The following TRIM36 variants were observed in gnomAD, a reference collection of about 807,000 sequenced individuals.
TRIM36 encodes the protein E3 ubiquitin-protein ligase TRIM36.
TRIM36 carries 42 observed loss-of-function variants against 72.4 expected under a neutral mutation model. The ratio of observed to expected loss-of-function variants is 0.58; its 90% confidence interval spans 0.45 to 0.75. The LOEUF (loss-of-function observed/expected upper bound fraction) is 0.75, where lower values mean the gene tolerates loss of function less well. Ranked by LOEUF, TRIM36 falls within the 30% of genes least tolerant of loss-of-function variation. TRIM36 has a pLI of 0.00. For synonymous variants in TRIM36, 315 were observed against 282.8 expected (o/e 1.11, Z -1.14); for missense variants, 913 against 857.1 (o/e 1.07, Z -0.81).
chr5:115,173,333 C>CCCCT (rs1374750228), upstream of TRIM36, among the ~76,000 whole-genome samples: 2 of 152,118 alleles, frequency 1.3e-5, no homozygotes, highest in Non-Finnish European at 2.9e-5. Flanking sequence ...CACTCTAAGC[C>CCCCT]CCCTCTCCGC....
At chr5:115,149,246 G>A (rs1291101029) in intron 2 of TRIM36, 1 of 151,978 alleles carries the variant, frequency 6.6e-6, no homozygotes, top group African/African-American at 2.4e-5. Context: ...AAGCAGCAAA[G>A]CTACTTTTAA....
chr5:115,165,681 G>A (rs1580703020), intron 1 of TRIM36, among the ~76,000 whole-genome samples: 1 of 152,166 alleles, frequency 6.6e-6, no homozygotes, highest in East Asian at 1.9e-4. Flanking sequence ...CGGGACCCAG[G>A]AACAGGCAGG....
At position 115,152,888 on chromosome 5, in the gene TRIM36, G is replaced by A. The variant is rs1013800264; in HGVS notation, c.263-5494C>T. ...AGCTCTAAATCTTGAAACAAATCCTGGAAACGCATCAAAACAGAACCTCTT... is the reference window on the plus strand; with the variant it reads ...AGCTCTAAATCTTGAAACAAATCCTAGAAACGCATCAAAACAGAACCTCTT... On this transcript the variant is annotated intron_variant, in intron 2 of 9. Transcript: ENST00000513154. Among the ~76,000 whole-genome samples the A allele has an allele frequency of 3.3e-5, 5 of 152,080 alleles. No homozygotes were observed. The East Asian group carries it at 9.7e-4, about 29-fold the overall frequency.
chr5:115,171,814 CTG>C (rs1421222075), upstream of TRIM36, among the ~76,000 whole-genome samples: 1 of 152,186 alleles, frequency 6.6e-6, no homozygotes, highest in Non-Finnish European at 1.5e-5. Context: ...CTTGGCAAAA[CTG>C]TGTCTCCAAA....
chr5:115,165,784 T>C (rs1247608456), intron 1 of TRIM36, among the ~76,000 whole-genome samples: 1 of 151,908 alleles, frequency 6.6e-6, no homozygotes, highest in Non-Finnish European at 1.5e-5. Context: ...ATTCCTATGC[T>C]CTCGGGGGCC....
chr5:115,157,133 A>C (rs1159779299), intron 2 of TRIM36, among the ~76,000 whole-genome samples: 1 of 151,784 alleles, frequency 6.6e-6, no homozygotes, highest in East Asian at 1.9e-4. Flanking sequence ...TACTCCTGCA[A>C]GAATGGCCAT....
intron 1 of TRIM36, among the ~76,000 whole-genome samples, chr5:115,179,266 C>G (rs1456769891): frequency 6.6e-6 from 1 of 152,210 alleles, no homozygotes; most frequent in Non-Finnish European, 1.5e-5. Context: ...GGCACCACCC[C>G]GCCTGCTGAG....
chr5:115,139,264 G>A (rs1167268093), intron 5 of TRIM36, among the ~76,000 whole-genome samples: 2 of 151,992 alleles, frequency 1.3e-5, no homozygotes, highest in Non-Finnish European at 1.5e-5. Context: ...GGGATTACAG[G>A]TGTGCACCAC....
At chr5:115,142,685 C>T (rs1330279531) in intron 4 of TRIM36, among the ~76,000 whole-genome samples, 3 of 152,180 alleles carry the variant, frequency 2.0e-5, no homozygotes, top group African/African-American at 2.4e-5. Flanking sequence ...AAGACTAGAT[C>T]AGTTTTAAGC....
intron 2 of TRIM36, among the ~76,000 whole-genome samples, chr5:115,160,026 A>G (rs1754395130): frequency 6.7e-6 from 1 of 149,914 alleles, no homozygotes; most frequent in Non-Finnish European, 1.5e-5. Context: ...AAAAAAAAGA[A>G]AAAAAAAAAA....
chr5:115,138,480 ATATAAT>A (rs1432806328), intron 5 of TRIM36, among the ~76,000 whole-genome samples: 2 of 152,214 alleles, frequency 1.3e-5, no homozygotes, highest in Non-Finnish European at 2.9e-5. Flanking sequence ...CTTCACTTTA[ATATAAT>A]TATAATTAAA....
intron 6 of TRIM36, 60 bp from the exon 7 acceptor site, chr5:115,137,184 C>A: frequency 1.3e-6 from 2 of 1,511,344 alleles, no homozygotes; most frequent in Non-Finnish European, 1.8e-6. Flanking sequence ...GACTAAATAT[C>A]TGCAACATGA....
intron 8 of TRIM36, among the ~76,000 whole-genome samples, chr5:115,131,174 C>A (rs1466357114): frequency 1.3e-5 from 2 of 152,020 alleles, no homozygotes; most frequent in Non-Finnish European, 2.9e-5. Flanking sequence ...GATAGCAAAT[C>A]TATCACAGGT....
intron 1 of TRIM36, chr5:115,179,902 C>G (rs747489434): frequency 1.2e-4 from 181 of 1,451,368 alleles, no homozygotes; most frequent in Non-Finnish European, 1.7e-4. Flanking sequence ...TGGACACGGA[C>G]GCCCACAGTG....
Position 115,147,413 on chromosome 5 carries a change from T to C in TRIM36, c.263-19A>G, listed in dbSNP as rs796538457. 3.7e-6 allele frequency: 6 copies of C among 1,602,120 alleles called. No individual in the cohort carries two copies. In the African/African-American group the frequency reaches 8.0e-5, roughly 21 times the overall value. ...TTCCAGCCTGTGTAATTAGTAAGTC[T>C]TTGTTTAGTTATAGCAGTAGGAAAA... is the stretch of plus-strand genomic sequence containing the variant. On this transcript the variant is annotated intron_variant, in intron 2 of 9. Transcript: ENST00000513154.
intron 9 of TRIM36, among the ~76,000 whole-genome samples, chr5:115,128,167 C>T (rs1421213533): frequency 6.7e-6 from 1 of 150,074 alleles, no homozygotes; most frequent in African/African-American, 2.5e-5. Flanking sequence ...CACCTGAGGT[C>T]GGGACCAGCC....
chr5:115,147,405 A>G lies in TRIM36; in HGVS notation c.263-11T>C, dbSNP rs202243064. The G allele has an allele frequency of 4.2e-5, 67 of 1,605,656 alleles. No homozygotes were observed. In the African/African-American group the frequency reaches 8.4e-4, roughly 20 times the overall value. ...AATTGCGCTTCCAGCCTGTGTAATT[A>G]GTAAGTCTTTGTTTAGTTATAGCAG... On this transcript the variant is annotated splice_polypyrimidine_tract_variant and intron_variant, in intron 2 of 9. Transcript: ENST00000513154.
At chr5:115,156,132 AACT>A (rs1160244463) in intron 2 of TRIM36, among the ~76,000 whole-genome samples, 3 of 152,178 alleles carry the variant, frequency 2.0e-5, no homozygotes, top group African/African-American at 7.2e-5. Flanking sequence ...CTACAAAGAA[AACT>A]ACAAAACACT....
At chr5:115,170,093 G>T (rs1755029135), upstream of TRIM36, 2 of 524,928 alleles carry the variant, frequency 3.8e-6, no homozygotes, top group Non-Finnish European at 2.5e-6. Context: ...TGTGGCACGC[G>T]GTTGGGACTC....
Sources: gnomAD v4.1 joint callset for allele counts (sites outside exome capture counted in the v4.1 genomes callset) on GRCh38, gnomAD v4.1.1 for gene constraint, MANE v1.5 for transcripts, NCBI Gene and HGNC (gene_info 2026-07-23, HGNC 2026-07-21) for gene names.